The following AKAP6 variants were observed in gnomAD, a reference collection of about 807,000 sequenced individuals.
The protein encoded by AKAP6 is A-kinase anchor protein 6.
Under a neutral mutation model 188.5 loss-of-function variants are expected in AKAP6, and 58 were observed. The observed-to-expected ratio is 0.31, with a 90% confidence interval of 0.25 to 0.38. The LOEUF (loss-of-function observed/expected upper bound fraction) is 0.38, where lower values mean the gene tolerates loss of function less well. Among genes scored for constraint, AKAP6 ranks in the 10% least tolerant of loss-of-function variants. The probability of loss-of-function intolerance (pLI) is 1.00; values close to 1 mark genes in which losing one functional copy is unlikely to be tolerated. For synonymous variants in AKAP6, 989 were observed against 998.6 expected, an observed-to-expected ratio of 0.99 and a Z score of 0.18; for missense variants, 2,710 against 2,740.0, an observed-to-expected ratio of 0.99 and a Z score of 0.24.
In AKAP6 at chr14:32,835,528, A is replaced by T. The variant is rs1171153157; in HGVS notation, c.*5723A>T. 1 of 152,234 alleles carries T rather than the reference A, an allele frequency of 6.6e-6. No homozygotes were observed. Among genetic ancestry groups the T allele is most frequent in the African/African-American group, 2.4e-5 (1 of 41,458 alleles). 9.4% of individuals were successfully genotyped at this position (152,234 alleles called of 1,614,324 possible). A position where few individuals can be genotyped will look rare whatever the true frequency, so the allele number is the denominator to read the frequency against. Reference sequence around the variant, plus strand: ...CAGTAAACTGGAATCCTTTCTTTAAATGTTTTTCTAAAGCAATCCGAGGAA... The same window carrying T: ...CAGTAAACTGGAATCCTTTCTTTAATTGTTTTTCTAAAGCAATCCGAGGAA... On this transcript the variant is annotated 3_prime_UTR_variant, in exon 14 of 14. Coordinates refer to ENST00000280979, the MANE Select transcript of AKAP6 (RefSeq NM_004274.5).
chr14:32,593,426 G>A (rs1251921962), intron 5 of AKAP6, among the ~76,000 whole-genome samples: 1 of 152,170 alleles, frequency 6.6e-6, no homozygotes, highest in African/African-American at 2.4e-5. Context: ...TCTTCACAGA[G>A]CTCTTAAATT....
chr14:32,433,758 T>C lies in AKAP6; in HGVS notation c.265T>C (p.Tyr89His). 6.2e-7 allele frequency: 1 copy of C among 1,614,144 alleles called. No homozygotes were observed. Among genetic ancestry groups the C allele is most frequent in the Non-Finnish European group, 8.5e-7 (1 of 1,180,016 alleles). Reference sequence around the variant, plus strand: ...CTCAGAGAGGGTCCGAGACCTAACCTATTCAGTCCAGCAGGATTCGGACAG... The same window carrying C: ...CTCAGAGAGGGTCCGAGACCTAACCCATTCAGTCCAGCAGGATTCGGACAG... ...MTSERVRDLT[Y>H]SVQQDSDSKH... Residue 89 changes from tyrosine (Y) to histidine (H), a missense_variant, in exon 2 of 14, where the codon TAT (tyrosine) becomes CAT (histidine). Around this residue, in one of 2 missense-constraint regions of AKAP6, gnomAD observed 237 missense variants for 313.9 expected, o/e 0.76. Transcript: ENST00000280979.
intron 12 of AKAP6, among the ~76,000 whole-genome samples, chr14:32,810,767 G>A (rs1445235271): frequency 6.6e-6 from 1 of 152,128 alleles, no homozygotes; most frequent in Non-Finnish European, 1.5e-5. Flanking sequence ...ATCTTTATGA[G>A]AGGCTATTAA....
chr14:32,331,605 C>T (rs747240243), intron 1 of AKAP6, among the ~76,000 whole-genome samples: 6 of 152,082 alleles, frequency 3.9e-5, no homozygotes, highest in Non-Finnish European at 7.4e-5. Flanking sequence ...CCACAGCCTG[C>T]GCTGCTCTCT....
At chr14:32,572,013 A>G (rs1372678835) in intron 4 of AKAP6, among the ~76,000 whole-genome samples, 12 of 152,250 alleles carry the variant, frequency 7.9e-5, no homozygotes, top group Admixed American at 7.8e-4. Context: ...GAAAATAGTG[A>G]ATGAGAAGGG....
At chr14:32,638,785 C>T (rs997610182) in intron 7 of AKAP6, among the ~76,000 whole-genome samples, 2 of 151,738 alleles carry the variant, frequency 1.3e-5, no homozygotes, top group African/African-American at 2.4e-5. Flanking sequence ...GGTTCCTACT[C>T]CTAAGATTGT....
chr14:32,510,394 G>GTA (rs61206931), intron 2 of AKAP6, among the ~76,000 whole-genome samples: 12,007 of 62,692 alleles, frequency 0.19, 844 homozygotes, highest in African/African-American at 0.28. Flanking sequence ...ATATATATGT[G>GTA]TATATATATG....
intron 12 of AKAP6, among the ~76,000 whole-genome samples, chr14:32,796,812 A>G (rs576672606): frequency 1.6e-4 from 25 of 152,338 alleles, no homozygotes; most frequent in African/African-American, 5.5e-4. Flanking sequence ...ATCTAATTAA[A>G]CCAAGAGAGC....
At chr14:32,523,790 TTAAAAAAA>T (rs1469433248) in intron 2 of AKAP6, among the ~76,000 whole-genome samples, 1 of 116,328 alleles carries the variant, frequency 8.6e-6, no homozygotes, top group East Asian at 2.3e-4. Flanking sequence ...CTCCTCCTGA[TTAAAAAAA>T]AAAAAAAAAA....
At chr14:32,767,653 C>A (rs1309139381) in intron 11 of AKAP6, among the ~76,000 whole-genome samples, 1 of 152,074 alleles carries the variant, frequency 6.6e-6, no homozygotes, top group Non-Finnish European at 1.5e-5. Context: ...GCTTCTTGGC[C>A]TTTTTAAATG....
intron 12 of AKAP6, among the ~76,000 whole-genome samples, chr14:32,804,294 C>A (rs2140098086): frequency 1.3e-5 from 2 of 152,316 alleles, no homozygotes; most frequent in East Asian, 3.9e-4. Context: ...ATTATCCCAT[C>A]TTACCTGCTT....
intron 12 of AKAP6, among the ~76,000 whole-genome samples, chr14:32,795,426 A>G (rs2033736660): frequency 1.3e-5 from 2 of 152,200 alleles, no homozygotes; most frequent in African/African-American, 4.8e-5. Context: ...CAGCACATCA[A>G]AAAGCTTATC....
At chr14:32,638,797 A>G (rs1887629780) in intron 7 of AKAP6, among the ~76,000 whole-genome samples, 1 of 152,048 alleles carries the variant, frequency 6.6e-6, no homozygotes, top group Non-Finnish European at 1.5e-5. Flanking sequence ...TAAGATTGTT[A>G]TAGATAAGAA....
At chr14:32,613,355 AT>A (rs1451436804) in intron 7 of AKAP6, among the ~76,000 whole-genome samples, 1 of 152,214 alleles carries the variant, frequency 6.6e-6, no homozygotes, top group African/African-American at 2.4e-5. Flanking sequence ...TCTAATGGGA[AT>A]TTTTGGTCCA....
chr14:32,581,682 A>T (rs1884972803), intron 5 of AKAP6, among the ~76,000 whole-genome samples: 1 of 152,150 alleles, frequency 6.6e-6, no homozygotes, highest in Non-Finnish European at 1.5e-5. Flanking sequence ...GTGCTCCTGT[A>T]TTGGGTGCAT....
At chr14:32,690,280 A>G (rs1890124262) in intron 8 of AKAP6, among the ~76,000 whole-genome samples, 1 of 152,166 alleles carries the variant, frequency 6.6e-6, no homozygotes, top group African/African-American at 2.4e-5. Context: ...TCACACACAC[A>G]CACCTCCCAT....
At chr14:32,758,628 G>A (rs2032428989) in intron 11 of AKAP6, among the ~76,000 whole-genome samples, 1 of 152,078 alleles carries the variant, frequency 6.6e-6, no homozygotes, top group African/African-American at 2.4e-5. Flanking sequence ...AGCTGCTTGG[G>A]AGGCTGAGGC....
chr14:32,779,299 A>G (rs150196101), intron 12 of AKAP6, among the ~76,000 whole-genome samples: 1 of 151,506 alleles, frequency 6.6e-6, no homozygotes, highest in Non-Finnish European at 1.5e-5. Context: ...GCTGCCCACT[A>G]CTCAGGAGGC....
intron 2 of AKAP6, among the ~76,000 whole-genome samples, chr14:32,480,316 A>G (rs1879275960): frequency 2.0e-5 from 3 of 152,190 alleles, no homozygotes. Context: ...AAAATTCACA[A>G]TTGACCTGAA....
Sources: gnomAD v4.1 joint callset for allele counts (sites outside exome capture counted in the v4.1 genomes callset) on GRCh38, gnomAD v4.1.1 for gene constraint, gnomAD v4.1.1 regional missense constraint, MANE v1.5 for transcripts, NCBI Gene and HGNC (gene_info 2026-07-23, HGNC 2026-07-21) for gene names.